The following GP2 variants were observed in gnomAD, a reference collection of about 807,000 sequenced individuals.
GP2 encodes the protein glycoprotein 2.
Under a neutral mutation model 60.8 loss-of-function variants are expected in GP2, and 58 were observed. The observed-to-expected ratio is 0.95, with a 90% CI of 0.77 to 1.19. The LOEUF is 1.19. Among genes scored for constraint, GP2 ranks in the 50% most tolerant of loss-of-function variants. The pLI is 0.00. For missense variants in GP2, 647 were observed against 667.4 expected (o/e 0.97, Z 0.34); for synonymous variants, 280 against 253.4 (o/e 1.10, Z -1.00).
Position 20,310,983 on chromosome 16 carries a change from C to A in GP2, c.*240G>T. On this transcript the variant is annotated 3_prime_UTR_variant, in exon 11 of 11. Coordinates refer to ENST00000302555, the MANE Select transcript of GP2 (RefSeq NM_001502.4). ...TTTTGGCCAGGCTGATTTTGAACTG[C>A]TGACCTCAGGTGATCCACCTGCCTC... The A allele has an allele frequency of 3.1e-6, 1 of 317,582 alleles. No individual in the cohort carries two copies. The highest frequency in any genetic ancestry group is 6.0e-6 in the Non-Finnish European group (1 of 167,490). The allele number at this position is 317,582 out of a possible 1,614,324, so 19.7% of individuals were successfully genotyped here.
rs142954363 is a variant in GP2 at position 20,314,293 on chromosome 16, C to CTT, written c.1546+362_1546+363dup. Among the ~76,000 whole-genome samples the CTT allele has an allele frequency of 1.4e-4, 20 of 141,710 alleles. No individual in the cohort carries two copies. The East Asian group carries it at 2.5e-3, about 18-fold the overall frequency. 93.0% of individuals were successfully genotyped at this position (141,710 alleles called of 152,430 possible). ...GTTTGAAAAAAAAAGAAATGAATTT[C>CTT]TTTTTTTTTTAAGGCATTATCTATC... On this transcript the variant is annotated intron_variant, in intron 10 of 10. Coordinates refer to ENST00000302555, the MANE Select transcript of GP2 (RefSeq NM_001502.4).
intron 2 of GP2, 109 bp from the exon 3 acceptor site, chr16:20,324,365 A>C: frequency 3.1e-6 from 2 of 650,276 alleles, no homozygotes; most frequent in Non-Finnish European, 2.8e-6. Context: ...CAATGAGGAC[A>C]ATACACACAC....
At position 20,311,232 on chromosome 16, in the gene GP2, C is replaced by A. The variant is rs545969083; in HGVS notation, c.1596G>T (p.Trp532Cys). Reference sequence around the variant, plus strand: ...ATGCTCAGCGGAGCTCTCAGAACAGCCAAGCCAGGAGGACAGTCAGGAGGA... The same window carrying A: ...ATGCTCAGCGGAGCTCTCAGAACAGACAAGCCAGGAGGACAGTCAGGAGGA... ...PMVLLTVLLA[W>C]LF Residue 532 changes from tryptophan (W) to cysteine (C), a missense_variant, in exon 11 of 11, where the codon TGG (tryptophan) becomes TGT (cysteine). Transcript: ENST00000302555. 2 of 1,609,082 alleles carry A rather than the reference C, an allele frequency of 1.2e-6. No individual in the cohort carries two copies. Among genetic ancestry groups the A allele is most frequent in the South Asian group, 2.2e-5 (2 of 90,986 alleles).
At chr16:20,317,860 A>T (rs1964233721) in intron 7 of GP2, among the ~76,000 whole-genome samples, 6 of 152,186 alleles carry the variant, frequency 3.9e-5, no homozygotes, top group Admixed American at 3.9e-4. Context: ...TCACCCCACA[A>T]CATTTATCAT....
intron 7 of GP2, among the ~76,000 whole-genome samples, chr16:20,317,932 C>T (rs555772890): frequency 8.7e-4 from 132 of 152,142 alleles, no homozygotes; most frequent in Non-Finnish European, 1.6e-3. Flanking sequence ...CAAATTGATT[C>T]CCTATTTTTG....
chr16:20,323,688 G>A (rs1964443640), intron 3 of GP2, 128 bp downstream of exon 3: 2 of 646,382 alleles, frequency 3.1e-6, no homozygotes, highest in Non-Finnish European at 2.7e-6. Context: ...TTCTCACTGG[G>A]CAGGAGCTGA....
intron 4 of GP2, among the ~76,000 whole-genome samples, chr16:20,321,225 G>A (rs1380689107): frequency 6.6e-6 from 1 of 151,858 alleles, no homozygotes; most frequent in Non-Finnish European, 1.5e-5. Context: ...ACCACACCTG[G>A]CTAATTTCTG....
rs141349534 is a variant in GP2 at position 20,326,401 on chromosome 16, A to G, written c.31T>C (p.Ser11Pro). ...ACCAAGGCCAGCCACAGGAGGCCAG[A>G]GCCCACCATCCTTTCCATAAGGTGA... Reference protein sequence around the residue: MPHLMERMVGSGLLWLALVSC... With the variant: MPHLMERMVGPGLLWLALVSC... The change falls in exon 2 of 11, where the codon TCT becomes CCT. Residue 11 changes from serine (S) to proline (P), a missense_variant. Coordinates refer to ENST00000302555, the MANE Select transcript of GP2 (RefSeq NM_001502.4). 3 of 1,613,140 alleles carry G rather than the reference A, an allele frequency of 1.9e-6. No homozygotes were observed. Among genetic ancestry groups the G allele is most frequent in the Non-Finnish European group, 2.5e-6 (3 of 1,179,078 alleles).
At position 20,318,325 on chromosome 16, in the gene GP2, C is replaced by T. The variant is rs199622448; in HGVS notation, c.1113G>A (p.Leu371=). The change falls in exon 7 of 11, where the codon CTG becomes CTA. Residue 371 remains leucine, a synonymous_variant. Transcript: ENST00000302555. ...TNPYEGDAVE[L]SVESVLYVGA... is the part of the protein sequence containing the mutation. ...CCACATACAGCACGGACTCAACAGA[C>T]AGTTCAACTGCATCCCCTTCGTAAG... 7.4e-6 allele frequency: 12 copies of T among 1,613,806 alleles called. No homozygotes were observed. The highest frequency in any genetic ancestry group is 1.3e-5 in the African/African-American group (1 of 74,924).
At chr16:20,323,013 A>G in intron 3 of GP2, 34 bp from the exon 4 acceptor site, 1 of 1,263,570 alleles carries the variant, frequency 7.9e-7, no homozygotes, top group South Asian at 1.2e-5. Flanking sequence ...GAAGATCAGG[A>G]TGCAGTGCGG....
intron 4 of GP2, 90 bp from the exon 5 acceptor site, chr16:20,320,563 G>T: frequency 1.2e-6 from 1 of 841,900 alleles, no homozygotes; most frequent in Non-Finnish European, 2.0e-6. Flanking sequence ...TGACCCAGAA[G>T]ATTATGTAGA....
At chr16:20,323,737 C>A in intron 3 of GP2, 79 bp downstream of exon 3, 1 of 930,736 alleles carries the variant, frequency 1.1e-6, no homozygotes, top group East Asian at 2.6e-5. Flanking sequence ...CTCCTCTTGA[C>A]TTGCTCCACT....
intron 6 of GP2, 73 bp downstream of exon 6, chr16:20,319,547 G>T: frequency 9.3e-7 from 1 of 1,076,060 alleles, no homozygotes; most frequent in Non-Finnish European, 1.4e-6. Context: ...GGACATCATA[G>T]TCTGCACTTG....
intron 3 of GP2, 132 bp from the exon 4 acceptor site, chr16:20,323,111 T>C: frequency 1.6e-6 from 1 of 632,486 alleles, no homozygotes; most frequent in Middle Eastern, 4.2e-4. Flanking sequence ...AGTGGAAGCA[T>C]CAAGCCTGAC....
At position 20,323,971 on chromosome 16, in the gene GP2, G is replaced by T. The variant is rs144565957; in HGVS notation, c.380C>A (p.Ala127Asp). 6.2e-7 allele frequency: 1 copy of T among 1,614,032 alleles called. No homozygotes were observed. The highest frequency in any genetic ancestry group is 1.3e-5 in the African/African-American group (1 of 74,920). The part of the protein sequence containing the change: ...APMWLNGTHP[A>D]LGDGITNHTA... ...GTGGTTGGTGATGCCATCCCCAAGGGCAGGGTGGGTCCCATTCAGCCACAT... is the reference window on the plus strand; with the variant it reads ...GTGGTTGGTGATGCCATCCCCAAGGTCAGGGTGGGTCCCATTCAGCCACAT... The change falls in exon 3 of 11, where the codon GCC becomes GAC. Residue 127 changes from alanine to aspartate, a missense_variant. Transcript: ENST00000302555.
chr16:20,318,345 C>T lies in GP2; in HGVS notation c.1093G>A (p.Glu365Lys), dbSNP rs17853083. ...FQDQNYTNPYEGDAVELSVES... is the reference protein window; with the variant it reads ...FQDQNYTNPYKGDAVELSVES... ...ACAGACAGTTCAACTGCATCCCCTT[C>T]GTAAGGATTCGTGTAGTTCTGGTCT... is the stretch of plus-strand genomic sequence containing the variant. Residue 365 changes from glutamate (E) to lysine (K), a missense_variant, in exon 7 of 11, where the codon GAA becomes AAA. Coordinates refer to ENST00000302555, the MANE Select transcript of GP2 (RefSeq NM_001502.4). 4.3e-6 allele frequency: 7 copies of T among 1,613,370 alleles called. No individual in the cohort carries two copies. The highest frequency in any genetic ancestry group is 5.1e-6 in the Non-Finnish European group (6 of 1,179,324).
chr16:20,318,105 G>A (rs368500431), intron 7 of GP2, 80 bp downstream of exon 7: 42 of 1,150,678 alleles, frequency 3.7e-5, no homozygotes, highest in Non-Finnish European at 5.2e-5. Context: ...CAACTTACAC[G>A]TCTGCTGGGG....
intron 6 of GP2, 133 bp downstream of exon 6, chr16:20,319,487 T>A (rs1262177758): frequency 3.0e-6 from 2 of 658,906 alleles, no homozygotes; most frequent in Non-Finnish European, 5.5e-6. Context: ...ACTTGTGGAA[T>A]GAATGACTGA....
chr16:20,315,300 T>A, intron 9 of GP2, among the ~76,000 whole-genome samples: 1 of 152,176 alleles, frequency 6.6e-6, no homozygotes, highest in Admixed American at 6.5e-5. Flanking sequence ...TTACTGCATC[T>A]TAATTCCTTT....
Sources: allele counts gnomAD v4.1 joint callset (sites outside exome capture counted in the v4.1 genomes callset), GRCh38; gene constraint gnomAD v4.1.1; transcripts MANE v1.5; gene names NCBI Gene and HGNC (gene_info 2026-07-23, HGNC 2026-07-21).